The following RANBP2 variants were observed in gnomAD, a reference collection of about 807,000 sequenced individuals.
RANBP2 encodes the protein RAN binding protein 2, also known as E3 SUMO-protein ligase RanBP2.
In RANBP2, 57 loss-of-function variants were observed where a neutral mutation model predicts 303.6. The observed-to-expected ratio is 0.19, with a 90% confidence interval of 0.15 to 0.23. The LOEUF (loss-of-function observed/expected upper bound fraction) is 0.23. Among genes scored for constraint, RANBP2 ranks in the 10% least tolerant of loss-of-function variants. RANBP2 has a pLI of 1.00. For missense variants in RANBP2, 3,138 were observed against 3,780.8 expected (o/e 0.83, Z 4.46); for synonymous variants, 1,167 against 1,301.5 (o/e 0.90, Z 2.23).
chr2:109,041,238 C>T, the RANBP2 span, among the ~76,000 whole-genome samples: 1 of 152,136 alleles, frequency 6.6e-6, no homozygotes, highest in Non-Finnish European at 1.5e-5. Flanking sequence ...GCATTTTCTA[C>T]TTATACGAGT....
chr2:108,823,145 C>CA, the RANBP2 span, among the ~76,000 whole-genome samples: 1 of 152,006 alleles, frequency 6.6e-6, no homozygotes, highest in African/African-American at 2.4e-5. Flanking sequence ...TCACTAATTA[C>CA]AAAAAAACCC....
At chr2:109,101,790 G>GCAGA in the RANBP2 span, among the ~76,000 whole-genome samples, 3 of 152,326 alleles carry the variant, frequency 2.0e-5, no homozygotes, top group South Asian at 6.2e-4. Context: ...AGGGGGTGAT[G>GCAGA]CAGAGGATGG....
the RANBP2 span, among the ~76,000 whole-genome samples, chr2:109,466,029 A>G: frequency 6.6e-6 from 1 of 151,144 alleles, no homozygotes; most frequent in Admixed American, 6.6e-5. Flanking sequence ...ATCAACATAT[A>G]ATGCTGAGCA....
At chr2:109,651,643 G>A in the RANBP2 span, among the ~76,000 whole-genome samples, 1 of 152,210 alleles carries the variant, frequency 6.6e-6, no homozygotes, top group African/African-American at 2.4e-5. Context: ...GTGAGGATCT[G>A]TGCTGACTCA....
the RANBP2 span, among the ~76,000 whole-genome samples, chr2:109,692,315 G>A: frequency 6.6e-6 from 1 of 151,944 alleles, no homozygotes; most frequent in African/African-American, 2.4e-5. Flanking sequence ...GGGCGCTGGG[G>A]TTACAGCAGA....
chr2:108,946,437 G>A, the RANBP2 span, among the ~76,000 whole-genome samples: 1 of 152,164 alleles, frequency 6.6e-6, no homozygotes, highest in African/African-American at 2.4e-5. Flanking sequence ...AGGAATATTG[G>A]CAGCACCAAA....
At chr2:108,965,349 T>C in the RANBP2 span, among the ~76,000 whole-genome samples, 1 of 150,814 alleles carries the variant, frequency 6.6e-6, no homozygotes, top group African/African-American at 2.4e-5. Flanking sequence ...GGCGTGGTGG[T>C]GGGTGCCTGT....
At chr2:109,509,879 A>C in the RANBP2 span, among the ~76,000 whole-genome samples, 3 of 152,278 alleles carry the variant, frequency 2.0e-5, no homozygotes, top group Admixed American at 2.0e-4. Flanking sequence ...ACCAGGTCAT[A>C]ATGAAGTCAA....
At chr2:108,852,430 A>T in the RANBP2 span, among the ~76,000 whole-genome samples, 3 of 152,326 alleles carry the variant, frequency 2.0e-5, no homozygotes, top group Non-Finnish European at 4.4e-5. Flanking sequence ...AAATTGTTCT[A>T]TTATAAGGAC....
At chr2:109,220,567 A>G in the RANBP2 span, among the ~76,000 whole-genome samples, 2 of 152,258 alleles carry the variant, frequency 1.3e-5, no homozygotes, top group East Asian at 1.9e-4. Flanking sequence ...AAGAACTTCT[A>G]TAACTCAATA....
chr2:109,372,821 T>G, the RANBP2 span, among the ~76,000 whole-genome samples: 1 of 152,164 alleles, frequency 6.6e-6, no homozygotes, highest in Admixed American at 6.5e-5. Flanking sequence ...GGCTTCAGAG[T>G]TGGCACCGAA....
Position 108,755,836 on chromosome 2 carries a change from G to T in RANBP2, c.2466+577G>T, listed in dbSNP as rs561001727. Among the ~76,000 whole-genome samples the T allele has an allele frequency of 1.9e-3, 290 of 150,410 alleles. 2 individuals carry two copies. The highest frequency in any genetic ancestry group is 6.9e-3 in the African/African-American group (281 of 40,846). On this transcript the variant is annotated intron_variant, in intron 17 of 28. Transcript: ENST00000283195. ...CCTCCCAGGTTCAAGCGACTCTCCT[G>T]CCTCAGCCTCCTGAGTAGCTGGGAT...
chr2:109,159,817 G>A, the RANBP2 span, among the ~76,000 whole-genome samples: 15 of 152,312 alleles, frequency 9.8e-5, no homozygotes, highest in East Asian at 2.9e-3. Context: ...CTCCTTATGA[G>A]AATCTAACGC....
chr2:108,775,117 T>TGAAA (rs1677784647), intron 23 of RANBP2, among the ~76,000 whole-genome samples: 1 of 152,218 alleles, frequency 6.6e-6, no homozygotes, highest in Non-Finnish European at 1.5e-5. Context: ...AGTTTTAATA[T>TGAAA]GTGATATTTT....
At chr2:109,078,754 G>A in the RANBP2 span, among the ~76,000 whole-genome samples, 24 of 150,622 alleles carry the variant, frequency 1.6e-4, no homozygotes, top group South Asian at 3.6e-3. Flanking sequence ...AGGCCAAGGC[G>A]GGCAGATCAC....
At chr2:109,181,749 C>G in the RANBP2 span, among the ~76,000 whole-genome samples, 1 of 152,184 alleles carries the variant, frequency 6.6e-6, no homozygotes, top group Non-Finnish European at 1.5e-5. Context: ...GTAGTGGATG[C>G]TAGGTTCCAT....
chr2:108,957,322 C>T, the RANBP2 span, among the ~76,000 whole-genome samples: 2 of 152,216 alleles, frequency 1.3e-5, no homozygotes, highest in South Asian at 2.1e-4. Flanking sequence ...GCAGAGATGA[C>T]CCTGTTTGAA....
At chr2:108,802,706 C>T in the RANBP2 span, among the ~76,000 whole-genome samples, 1 of 146,160 alleles carries the variant, frequency 6.8e-6, no homozygotes, top group Admixed American at 6.9e-5. Flanking sequence ...CTGTCTTGTG[C>T]CAGTTTTCAA....
At chr2:108,871,370 T>TA in the RANBP2 span, among the ~76,000 whole-genome samples, 812 of 76,644 alleles carry the variant, frequency 0.011, 14 homozygotes, top group African/African-American at 0.036. Context: ...CCAACTCTAT[T>TA]AAAAAAAAAA....
Sources: allele counts gnomAD v4.1 joint callset (sites outside exome capture counted in the v4.1 genomes callset), GRCh38; gene constraint gnomAD v4.1.1; transcripts MANE v1.5; gene names NCBI Gene and HGNC (gene_info 2026-07-23, HGNC 2026-07-21).